The following KIAA0825 variants were observed in gnomAD, a reference collection of about 807,000 sequenced individuals.
KIAA0825 encodes KIAA0825, also known as uncharacterized protein KIAA0825.
In KIAA0825, 119 loss-of-function variants were observed where a neutral mutation model predicts 147.6. The ratio of observed to expected loss-of-function variants is 0.81; its 90% CI spans 0.69 to 0.94. The LOEUF (loss-of-function observed/expected upper bound fraction) is 0.94, where lower values mean the gene tolerates loss of function less well. KIAA0825 is among the 40% of genes least tolerant of loss of function. KIAA0825 has a pLI of 0.00. For missense variants in KIAA0825, 1,381 were observed against 1,472.7 expected (o/e 0.94, Z 1.02); for synonymous variants, 470 against 518.1 (o/e 0.91, Z 1.26).
intron 20 of KIAA0825, among the ~76,000 whole-genome samples, chr5:94,248,466 G>A (rs1186020066): frequency 6.6e-6 from 1 of 152,106 alleles, no homozygotes; most frequent in African/African-American, 2.4e-5. Flanking sequence ...TTGCCTAGAG[G>A]AAAGGTCATC....
At chr5:94,436,080 G>A (rs1270878534) in intron 14 of KIAA0825, among the ~76,000 whole-genome samples, 1 of 152,052 alleles carries the variant, frequency 6.6e-6, no homozygotes, top group African/African-American at 2.4e-5. Context: ...TAGGTTGTCT[G>A]TTTACTCTGT....
At chr5:94,556,307 T>C (rs1435125105) in intron 2 of KIAA0825, among the ~76,000 whole-genome samples, 1 of 152,160 alleles carries the variant, frequency 6.6e-6, no homozygotes, top group Non-Finnish European at 1.5e-5. Flanking sequence ...CTGGAAGTGA[T>C]CCGCCTGCCT....
intron 20 of KIAA0825, among the ~76,000 whole-genome samples, chr5:94,224,973 C>T (rs970067882): frequency 1.3e-5 from 2 of 152,340 alleles, no homozygotes; most frequent in Admixed American, 6.5e-5. Flanking sequence ...ACTTATCTCT[C>T]CACTTTGTTC....
chr5:94,605,513 T>C (rs1405731478), intron 1 of KIAA0825, among the ~76,000 whole-genome samples: 1 of 152,080 alleles, frequency 6.6e-6, no homozygotes, highest in Non-Finnish European at 1.5e-5. Flanking sequence ...GCAAAAATCA[T>C]CAAAAAAATA....
intron 20 of KIAA0825, among the ~76,000 whole-genome samples, chr5:94,354,969 G>A (rs952475312): frequency 2.0e-5 from 3 of 152,150 alleles, no homozygotes; most frequent in African/African-American, 4.8e-5. Context: ...GACATCAATC[G>A]AATACATGTG....
intron 20 of KIAA0825, among the ~76,000 whole-genome samples, chr5:94,322,138 AT>A (rs1310073866): frequency 1.3e-5 from 2 of 151,918 alleles, no homozygotes; most frequent in African/African-American, 4.8e-5. Context: ...GGTCATTCTC[AT>A]TGTAAAGTAG....
chr5:94,267,028 G>A (rs1776766260), intron 20 of KIAA0825, among the ~76,000 whole-genome samples: 1 of 152,116 alleles, frequency 6.6e-6, no homozygotes, highest in African/African-American at 2.4e-5. Flanking sequence ...GGAAGGTGTT[G>A]TTTATACAAG....
intron 1 of KIAA0825, among the ~76,000 whole-genome samples, chr5:94,599,929 G>A (rs1163896705): frequency 6.6e-6 from 1 of 152,018 alleles, no homozygotes; most frequent in African/African-American, 2.4e-5. Flanking sequence ...ACTGTCATGT[G>A]TTGTCCACCC....
At position 94,396,242 on chromosome 5, in the gene KIAA0825, C is replaced by A. The variant is rs1406919997; in HGVS notation, c.3155G>T (p.Cys1052Phe). 1 of 1,551,534 alleles carries A rather than the reference C, an allele frequency of 6.4e-7. No homozygotes were observed. Among genetic ancestry groups the A allele is most frequent in the African/African-American group, 1.4e-5 (1 of 73,024 alleles). Residue 1052 changes from cysteine to phenylalanine, a missense_variant, in exon 17 of 21, where the codon TGT (cysteine) becomes TTT (phenylalanine). Physicochemically the swap from Cys to Phe is radical, Grantham distance 205. Transcript: ENST00000682413. ...RWSKEKLGLI[C>F]MCLKSIMGDQ... The stretch of plus-strand genomic sequence containing the variant: ...TCCCATGATGCTTTTCAAACACATA[C>A]AAATTAAACCCAATTTTTCTTTACT...
chr5:94,410,929 T>G (rs936703923), intron 15 of KIAA0825, among the ~76,000 whole-genome samples: 72 of 152,254 alleles, frequency 4.7e-4, no homozygotes, highest in African/African-American at 1.2e-3. Flanking sequence ...GGTATGGAAA[T>G]GATAAATATA....
At chr5:94,226,249 C>T (rs1050696072) in intron 20 of KIAA0825, among the ~76,000 whole-genome samples, 4 of 151,672 alleles carry the variant, frequency 2.6e-5, no homozygotes, top group Non-Finnish European at 5.9e-5. Context: ...ATGCAGCCAA[C>T]AGACATATGA....
chr5:94,599,461 C>T (rs972592430), intron 1 of KIAA0825, among the ~76,000 whole-genome samples: 5 of 142,582 alleles, frequency 3.5e-5, no homozygotes, highest in African/African-American at 1.1e-4. Flanking sequence ...TAAATATCAA[C>T]ATACAAAGAA....
At position 94,325,370 on chromosome 5, in the gene KIAA0825, T is replaced by G. The variant is rs370609260; in HGVS notation, c.3710+58998A>C. 3.9e-5 allele frequency among the ~76,000 whole-genome samples: 6 copies of G among 152,050 alleles called. No homozygotes were observed. The East Asian group carries it at 9.7e-4, about 24-fold the overall frequency. ...TAATATAGCCACAGCTAAGTAGAAT[T>G]TAAAATTATGGCTAGAAAACACAAT... On this transcript the variant is annotated intron_variant, in intron 20 of 20. Transcript: ENST00000682413.
chr5:94,499,316 T>C (rs1044285990), intron 5 of KIAA0825, among the ~76,000 whole-genome samples: 1 of 152,206 alleles, frequency 6.6e-6, no homozygotes, highest in Non-Finnish European at 1.5e-5. Flanking sequence ...ATCCCTCATG[T>C]TGAAATTCTA....
intron 2 of KIAA0825, among the ~76,000 whole-genome samples, chr5:94,544,464 G>T (rs1416472336): frequency 1.3e-5 from 2 of 152,196 alleles, no homozygotes; most frequent in Non-Finnish European, 2.9e-5. Flanking sequence ...TTACTCCAGG[G>T]AATGGCTCTT....
At chr5:94,606,339 T>G (rs1277746295) in intron 1 of KIAA0825, among the ~76,000 whole-genome samples, 1 of 152,174 alleles carries the variant, frequency 6.6e-6, no homozygotes, top group Non-Finnish European at 1.5e-5. Context: ...CCCAAAGTAA[T>G]TTATAGATTC....
At chr5:94,192,808 C>G (rs1770793656) in intron 20 of KIAA0825, among the ~76,000 whole-genome samples, 1 of 152,132 alleles carries the variant, frequency 6.6e-6, no homozygotes, top group Non-Finnish European at 1.5e-5. Context: ...CTCCCTGACT[C>G]AAGAAACCCC....
intron 3 of KIAA0825, among the ~76,000 whole-genome samples, chr5:94,532,053 A>C (rs1770901512): frequency 6.6e-6 from 1 of 152,206 alleles, no homozygotes. Flanking sequence ...AAATAAGTGT[A>C]ATCTATGGAA....
chr5:94,189,559 C>G (rs1583796384), intron 20 of KIAA0825, among the ~76,000 whole-genome samples: 1 of 152,050 alleles, frequency 6.6e-6, no homozygotes, highest in Non-Finnish European at 1.5e-5. Context: ...TAACTTAGCA[C>G]TTTTGTCAAA....
Sources: gnomAD v4.1 joint callset for allele counts (sites outside exome capture counted in the v4.1 genomes callset) on GRCh38, gnomAD v4.1.1 for gene constraint, MANE v1.5 for transcripts, NCBI Gene and HGNC (gene_info 2026-07-23, HGNC 2026-07-21) for gene names.